CEPT1: variants seen among roughly 807,000 people sequenced by gnomAD.
CEPT1 encodes choline/ethanolamine phosphotransferase 1, also known as choline/ethanolaminephosphotransferase 1.
A neutral mutation model predicts 42.6 loss-of-function variants in CEPT1; 7 were observed. The ratio of observed to expected loss-of-function variants is 0.16; its 90% CI spans 0.09 to 0.31. CEPT1 has a LOEUF of 0.31. Ranked by LOEUF, CEPT1 falls within the 10% of genes least tolerant of loss-of-function variation. The pLI is 1.00. For synonymous variants in CEPT1, 171 were observed against 171.9 expected (o/e 0.99, Z 0.04); for missense variants, 306 against 502.1 (o/e 0.61, Z 3.73).
chr1:111,153,486 C>G (rs1388233610), intron 2 of CEPT1, among the ~76,000 whole-genome samples: 1 of 152,132 alleles, frequency 6.6e-6, no homozygotes, highest in Admixed American at 6.6e-5. Flanking sequence ...GCCCTGCTGT[C>G]TCTACTTTAG....
intron 2 of CEPT1, 125 bp downstream of exon 2, chr1:111,148,178 C>G (rs1419006053): frequency 4.2e-6 from 3 of 720,632 alleles, no homozygotes; most frequent in Non-Finnish European, 6.9e-6. Context: ...AAATATCACA[C>G]ACACTGTGAT....
chr1:111,146,713 A>C (rs1035313266), intron 1 of CEPT1, among the ~76,000 whole-genome samples: 1 of 152,036 alleles, frequency 6.6e-6, no homozygotes, highest in African/African-American at 2.4e-5. Flanking sequence ...TGTTATCTCT[A>C]ATCTTTTCTA....
In CEPT1 at chr1:111,147,771, A is replaced by T. The variant is rs1655051959; in HGVS notation, c.57A>T (p.Pro19=). Residue 19 remains proline, a synonymous_variant, in exon 2 of 9, where the codon CCA becomes CCT. Coordinates refer to ENST00000357172, the MANE Select transcript of CEPT1 (RefSeq NM_006090.5). ...GTGGAGATTCTCACCCGGAGTCCCC[A>T]GTGGGCTTCGGGCATATGAGTACTA... ...KRCGDSHPES[P]VGFGHMSTTG... 2 of 1,614,036 alleles carry T rather than the reference A, an allele frequency of 1.2e-6. No homozygotes were observed. The highest frequency in any genetic ancestry group is 1.7e-6 in the Non-Finnish European group (2 of 1,179,998).
intron 6 of CEPT1, 73 bp from the exon 7 acceptor site, chr1:111,182,726 C>A: frequency 7.3e-7 from 1 of 1,361,502 alleles, no homozygotes; most frequent in Non-Finnish European, 9.9e-7. Flanking sequence ...GAACTGTGAA[C>A]TGTTCTGCAG....
At chr1:111,169,830 G>C (rs895398657) in intron 4 of CEPT1, among the ~76,000 whole-genome samples, 4 of 152,152 alleles carry the variant, frequency 2.6e-5, no homozygotes, top group African/African-American at 9.7e-5. Context: ...TGGTGAAATT[G>C]TATTAGAATA....
chr1:111,170,852 T>C (rs1460990531), intron 4 of CEPT1, among the ~76,000 whole-genome samples: 5 of 152,198 alleles, frequency 3.3e-5, no homozygotes, highest in African/African-American at 1.2e-4. Flanking sequence ...TGGGGATTCT[T>C]TGACATTGTG....
chr1:111,174,247 G>A (rs1483386873), intron 4 of CEPT1, among the ~76,000 whole-genome samples: 1 of 152,020 alleles, frequency 6.6e-6, no homozygotes, highest in Non-Finnish European at 1.5e-5. Flanking sequence ...CTTCTTGACT[G>A]TAAAATTATT....
In CEPT1 at chr1:111,184,541, G is replaced by A; in HGVS notation, c.*231G>A. 3.0e-6 allele frequency: 1 copy of A among 337,130 alleles called. No individual in the cohort carries two copies. Among genetic ancestry groups the A allele is most frequent in the African/African-American group, 2.1e-5 (1 of 46,798 alleles). The allele number at this position is 337,130 out of a possible 1,614,324, so 20.9% of individuals were successfully genotyped here. On this transcript the variant is annotated 3_prime_UTR_variant, in exon 9 of 9. Transcript: ENST00000357172. ...TGCAGGGTTTGGGCCAAGAAAGCAT[G>A]CAGAAAAAAATGCCATGTGATTGTA...
chr1:111,164,007 T>C (rs1215750028), intron 4 of CEPT1, among the ~76,000 whole-genome samples: 1 of 152,226 alleles, frequency 6.6e-6, no homozygotes, highest in Admixed American at 6.5e-5. Flanking sequence ...ATTTCTTTTT[T>C]ATTTATAATT....
rs756101269 is a variant in CEPT1 at position 111,182,213 on chromosome 1, A to G, written c.741A>G (p.Lys247=). 3.1e-6 allele frequency: 5 copies of G among 1,608,652 alleles called. No individual in the cohort carries two copies. Among genetic ancestry groups the G allele is most frequent in the Non-Finnish European group, 4.2e-6 (5 of 1,176,868 alleles). The change falls in exon 6 of 9, where the codon AAA becomes AAG. Residue 247 remains lysine (K), a synonymous_variant. Transcript: ENST00000357172. The part of the protein sequence containing the change: ...SMIPVLNIQM[K]IFPALCTVAG... ...TTCCAGTGCTGAATATTCAAATGAAAATTTTTCCTGCACTTTGTACTGTAG... is the reference window on the plus strand; with the variant it reads ...TTCCAGTGCTGAATATTCAAATGAAGATTTTTCCTGCACTTTGTACTGTAG...
intron 3 of CEPT1, 36 bp downstream of exon 3, chr1:111,159,563 C>G: frequency 6.4e-7 from 1 of 1,558,910 alleles, no homozygotes; most frequent in Non-Finnish European, 8.8e-7. Flanking sequence ...TGATTATTAA[C>G]AATGGTTAAA....
intron 5 of CEPT1, 159 bp from the exon 6 acceptor site, chr1:111,182,028 A>G (rs1334554035): frequency 2.1e-6 from 1 of 480,786 alleles, no homozygotes; most frequent in African/African-American, 2.0e-5. Flanking sequence ...GACTTGCTAT[A>G]TTGCTTATAA....
intron 4 of CEPT1, among the ~76,000 whole-genome samples, chr1:111,164,503 T>C (rs1656031299): frequency 6.6e-6 from 1 of 152,180 alleles, no homozygotes; most frequent in South Asian, 2.1e-4. Flanking sequence ...CAAAATACTC[T>C]TTAAGATATT....
chr1:111,147,862 C>A lies in CEPT1; in HGVS notation c.148C>A (p.Arg50=), dbSNP rs1655057731. 4 of 1,613,942 alleles carry A rather than the reference C, an allele frequency of 2.5e-6. No homozygotes were observed. The highest frequency in any genetic ancestry group is 3.4e-6 in the Non-Finnish European group (4 of 1,179,996). The change falls in exon 2 of 9, where the codon CGG becomes AGG. Residue 50 remains arginine, a synonymous_variant. Coordinates refer to ENST00000357172, the MANE Select transcript of CEPT1 (RefSeq NM_006090.5). The stretch of plus-strand genomic sequence containing the variant: ...ACCATTGTCAAGACACCAACTAAAG[C>A]GGCTAGAAGAACACAGATATCAAAG... ...TPPLSRHQLK[R]LEEHRYQSAG... is the part of the protein sequence containing the mutation.
At chr1:111,148,146 C>A (rs113353264) in intron 2 of CEPT1, 93 bp downstream of exon 2, 7 of 900,772 alleles carry the variant, frequency 7.8e-6, no homozygotes, top group African/African-American at 6.7e-5. Context: ...ATAAAGTAAT[C>A]TGACAGCTGT....
In CEPT1 at chr1:111,145,410, A is replaced by G. The variant is rs1007275718; in HGVS notation, c.-73-2232A>G. On this transcript the variant is annotated intron_variant, in intron 1 of 8. Coordinates refer to ENST00000357172, the MANE Select transcript of CEPT1 (RefSeq NM_006090.5). ...TATTTAAGGGCATTAACTTGACTAT[A>G]ATGACTATTTTCTAAACCAAATATT... 1.2e-4 allele frequency among the ~76,000 whole-genome samples: 19 copies of G among 152,098 alleles called. 1 individual carries two copies. Among genetic ancestry groups the G allele is most frequent in the Admixed American group, 4.6e-4 (7 of 15,282 alleles).
rs547467350 is a variant in CEPT1 at position 111,175,578 on chromosome 1, C to CCTA, written c.714+618_714+620dup. Among the ~76,000 whole-genome samples, 558 of 152,274 alleles carry CCTA rather than the reference C, an allele frequency of 3.7e-3. 5 individuals carry two copies. The highest frequency in any genetic ancestry group is 0.013 in the African/African-American group (528 of 41,542). On this transcript the variant is annotated intron_variant, in intron 5 of 8. Coordinates refer to ENST00000357172, the MANE Select transcript of CEPT1 (RefSeq NM_006090.5). ...TGTGCGTTTGACCCAGGTTCCATGG[C>CCTA]CTACTGTGTGAACTTAATCTGTTGC...
chr1:111,182,048 A>G (rs1219853650), intron 5 of CEPT1, 139 bp from the exon 6 acceptor site: 5 of 556,322 alleles, frequency 9.0e-6, no homozygotes, highest in Admixed American at 7.7e-5. Flanking sequence ...ATGAAGAGGA[A>G]AAGGACACTT....
chr1:111,163,868 A>AT (rs1232538866), intron 4 of CEPT1, among the ~76,000 whole-genome samples: 3 of 152,130 alleles, frequency 2.0e-5, no homozygotes, highest in Admixed American at 6.5e-5. Flanking sequence ...AATCACTTGC[A>AT]TTTTCTTACT....
Sources: gnomAD v4.1 joint callset for allele counts (sites outside exome capture counted in the v4.1 genomes callset) on GRCh38, gnomAD v4.1.1 for gene constraint, MANE v1.5 for transcripts, NCBI Gene and HGNC (gene_info 2026-07-23, HGNC 2026-07-21) for gene names.